TMEM132E: variants seen among roughly 807,000 people sequenced by gnomAD.
The protein encoded by TMEM132E is transmembrane protein 132E.
A neutral mutation model predicts 78.5 loss-of-function variants in TMEM132E; 49 were observed. The observed-to-expected ratio is 0.62, with a 90% CI of 0.50 to 0.79. The LOEUF (loss-of-function observed/expected upper bound fraction) is 0.79, where lower values mean the gene tolerates loss of function less well. TMEM132E is among the 30% of genes least tolerant of loss of function. The pLI, the probability that TMEM132E is intolerant of heterozygous loss-of-function variation, is 0.00. For synonymous variants in TMEM132E, 715 were observed against 670.6 expected (o/e 1.07, Z -1.02); for missense variants, 1,403 against 1,470.9 (o/e 0.95, Z 0.75).
intron 1 of TMEM132E, among the ~76,000 whole-genome samples, chr17:34,586,064 T>TTTTTTTTTTTTTTTTTTTTTGAGACGGAG (rs1905664108): frequency 6.6e-6 from 1 of 152,096 alleles, no homozygotes; most frequent in African/African-American, 2.4e-5. Flanking sequence ...AACTCTTTTG[T>TTTTTTTTTTTTTTTTTTTTTGAGACGGAG]TCTATGATGA....
Position 34,636,074 on chromosome 17 carries a change from G to A in TMEM132E, c.2045G>A (p.Ser682Asn), listed in dbSNP as rs1255298036. Residue 682 changes from serine (S) to asparagine (N), a missense_variant, in exon 8 of 9, where the codon AGC becomes AAC. Around this residue, in one of 3 missense-constraint regions of TMEM132E, gnomAD observed 888 missense variants for 952.8 expected, o/e 0.93. Transcript: ENST00000631683. The stretch of plus-strand genomic sequence containing the variant: ...CTGACGGTGACTGAGGAGAAGGTCA[G>A]CATCACACAGCTTCAGGCCCAGGTG... ...TLLTVTEEKV[S>N]ITQLQAQVVA... 3 of 1,592,510 alleles carry A rather than the reference G, an allele frequency of 1.9e-6. No homozygotes were observed. In the African/African-American group the frequency reaches 4.1e-5, roughly 22 times the overall value.
At chr17:34,605,000 C>T (rs1385258991) in intron 1 of TMEM132E, among the ~76,000 whole-genome samples, 1 of 152,192 alleles carries the variant, frequency 6.6e-6, no homozygotes, top group Non-Finnish European at 1.5e-5. Context: ...GAGCCCAAAA[C>T]TTAAGCTGGA....
intron 1 of TMEM132E, among the ~76,000 whole-genome samples, chr17:34,608,443 A>G (rs1198529842): frequency 2.0e-5 from 3 of 152,180 alleles, no homozygotes; most frequent in Non-Finnish European, 4.4e-5. Flanking sequence ...TCATGGGAGA[A>G]TGGAAGGTAG....
In TMEM132E at chr17:34,580,775, C is replaced by T. The variant is rs1015771329; in HGVS notation, c.-302C>T. 5.2e-5 allele frequency: 18 copies of T among 343,658 alleles called. No homozygotes were observed. Among genetic ancestry groups the T allele is most frequent in the Non-Finnish European group, 7.9e-5 (15 of 189,340 alleles). 21.3% of individuals were successfully genotyped at this position (343,658 alleles called of 1,614,324 possible). A position where few individuals can be genotyped will look rare whatever the true frequency, so the allele number is the denominator to read the frequency against. ...CCCCGGGACGCCCGCGGCCACCGGG[C>T]TCCGGACTGCACGTGCAGCTCCCCC... On this transcript the variant is annotated 5_prime_UTR_variant, in exon 1 of 9. Coordinates refer to ENST00000631683, the MANE Select transcript of TMEM132E (RefSeq NM_001304438.2).
intron 1 of TMEM132E, among the ~76,000 whole-genome samples, chr17:34,597,841 T>C (rs1159007671): frequency 6.6e-6 from 1 of 152,140 alleles, no homozygotes; most frequent in Non-Finnish European, 1.5e-5. Flanking sequence ...ATCTGCCATC[T>C]CCTGGTCACT....
rs75711088 is a variant in TMEM132E at position 34,583,358 on chromosome 17, C to A, written c.67+2215C>A. ...TCTCTTCTCCATCGCATGTCTCAGT[C>A]TCCCCTGCCTCAGAGAAGGGTGCCA... On this transcript the variant is annotated intron_variant, in intron 1 of 8. Coordinates refer to ENST00000631683, the MANE Select transcript of TMEM132E (RefSeq NM_001304438.2). Among the ~76,000 whole-genome samples the A allele has an allele frequency of 7.9e-5, 12 of 152,372 alleles. 1 individual carries two copies. The East Asian group carries it at 2.3e-3, about 29-fold the overall frequency.
intron 1 of TMEM132E, 49 bp from the exon 2 acceptor site, chr17:34,626,078 C>G: frequency 7.0e-7 from 1 of 1,424,248 alleles, no homozygotes; most frequent in South Asian, 1.5e-5. Flanking sequence ...GGGGTCCCAG[C>G]GTGGCCTCTC....
intron 1 of TMEM132E, among the ~76,000 whole-genome samples, chr17:34,623,167 A>T (rs1016688365): frequency 6.6e-6 from 1 of 152,088 alleles, no homozygotes; most frequent in African/African-American, 2.4e-5. Context: ...GTCCTCCCCC[A>T]GGGGGGGTGA....
In TMEM132E at chr17:34,626,250, C is replaced by T. The variant is rs539445182; in HGVS notation, c.191C>T (p.Pro64Leu). ...TTCTTCCTGCGGGAGGCGCGGCCCC[C>T]GTCACCCGCGGTCGCCAACAGCTCT... ...LAFFLREARP[P>L]SPAVANSSLQ... The change falls in exon 2 of 9, where the codon CCG (proline) becomes CTG (leucine). Residue 64 changes from proline (P) to leucine (L), a missense_variant. Pro to Leu is a moderately conservative substitution (Grantham distance 98). Transcript: ENST00000631683. The T allele has an allele frequency of 5.7e-5, 91 of 1,599,874 alleles. 1 individual carries two copies. In the East Asian group the frequency reaches 9.1e-4, roughly 16 times the overall value.
Position 34,638,340 on chromosome 17 carries a change from TG to T in TMEM132E, c.*109del. The stretch of plus-strand genomic sequence containing the variant: ...TGACTCTGGGCGGCTGAATTGATTT[TG>T]TACTCCCTGCCCCTGCAGCTTGGCT... On this transcript the variant is annotated 3_prime_UTR_variant, in exon 9 of 9. Transcript: ENST00000631683. The T allele has an allele frequency of 8.2e-7, 1 of 1,216,992 alleles. No individual in the cohort carries two copies. Among genetic ancestry groups the T allele is most frequent in the Non-Finnish European group, 1.1e-6 (1 of 895,258 alleles). 75.4% of individuals were successfully genotyped at this position (1,216,992 alleles called of 1,614,324 possible).
At chr17:34,619,903 C>A (rs879656327) in intron 1 of TMEM132E, among the ~76,000 whole-genome samples, 13 of 152,264 alleles carry the variant, frequency 8.5e-5, no homozygotes, top group East Asian at 1.9e-4. Context: ...GGTGAGCAGG[C>A]CAAGCTCCCT....
intron 1 of TMEM132E, among the ~76,000 whole-genome samples, chr17:34,596,684 G>GTGTGGGACAGAACCCTGCAGGTCC (rs1190194039): frequency 2.6e-5 from 4 of 151,922 alleles, no homozygotes; most frequent in African/African-American, 9.7e-5. Flanking sequence ...CAGCCCTGAT[G>GTGTGGGACAGAACCCTGCAGGTCC]TGTGGGACAG....
rs1003222082 is a variant in TMEM132E at position 34,626,380 on chromosome 17, C to T, written c.321C>T (p.Leu107=). 6.2e-7 allele frequency: 1 copy of T among 1,613,310 alleles called. No individual in the cohort carries two copies. The highest frequency in any genetic ancestry group is 8.5e-7 in the Non-Finnish European group (1 of 1,179,804). The change falls in exon 2 of 9, where the codon CTC becomes CTT. Residue 107 remains leucine (L), a synonymous_variant. Transcript: ENST00000631683. The stretch of plus-strand genomic sequence containing the variant: ...CCAGCCAGGTGGTGGCGCGGGAGCT[C>T]CTGCAGCCGTCCAGCACCCTGGACA... ...FSTSQVVARE[L]LQPSSTLDIP...
At chr17:34,593,542 C>T (rs1784786151) in intron 1 of TMEM132E, among the ~76,000 whole-genome samples, 1 of 152,188 alleles carries the variant, frequency 6.6e-6, no homozygotes, top group South Asian at 2.1e-4. Flanking sequence ...TGCTCTGGGA[C>T]TGATAAGCTG....
chr17:34,617,813 T>C (rs1906831840), intron 1 of TMEM132E, among the ~76,000 whole-genome samples: 1 of 152,254 alleles, frequency 6.6e-6, no homozygotes, highest in African/African-American at 2.4e-5. Context: ...CTTTCATTTA[T>C]TTTAAATGGC....
chr17:34,629,085 C>A lies in TMEM132E; in HGVS notation c.1219C>A (p.Arg407=), dbSNP rs371393529. 1.2e-6 allele frequency: 2 copies of A among 1,609,864 alleles called. No individual in the cohort carries two copies. Among genetic ancestry groups the A allele is most frequent in the Admixed American group, 1.7e-5 (1 of 59,644 alleles). Residue 407 remains arginine, a synonymous_variant, in exon 4 of 9, where the codon CGG becomes AGG. Transcript: ENST00000631683. ...MENFTSQSVK[R]RIMWHIDYRG... ...GAACTTCACCAGCCAGTCAGTCAAG[C>A]GGAGGATCATGTGGCACATTGACTA...
At position 34,626,696 on chromosome 17, in the gene TMEM132E, C is replaced by A. The variant is rs2142079693; in HGVS notation, c.637C>A (p.Arg213Ser). 1 of 1,388,504 alleles carries A rather than the reference C, an allele frequency of 7.2e-7. No individual in the cohort carries two copies. Among genetic ancestry groups the A allele is most frequent in the Non-Finnish European group, 9.4e-7 (1 of 1,061,904 alleles). 86.0% of individuals were successfully genotyped at this position (1,388,504 alleles called of 1,614,324 possible). A position where few individuals can be genotyped will look rare whatever the true frequency, so the allele number is the denominator to read the frequency against. Reference sequence around the variant, plus strand: ...CCCCGCTGCGCCACCCACGGCCCGCCGCAAGTCCCCGGACGGGCTGGAGCC... The same window carrying A: ...CCCCGCTGCGCCACCCACGGCCCGCAGCAAGTCCCCGGACGGGCTGGAGCC... ...PAPAAPPTARRKSPDGLEPEA... is the reference protein window; with the variant it reads ...PAPAAPPTARSKSPDGLEPEA... Residue 213 changes from arginine to serine, a missense_variant, in exon 2 of 9, where the codon CGC (arginine) becomes AGC (serine). Transcript: ENST00000631683.
chr17:34,583,724 C>A (rs955482366), intron 1 of TMEM132E, among the ~76,000 whole-genome samples: 1 of 152,200 alleles, frequency 6.6e-6, no homozygotes, highest in Non-Finnish European at 1.5e-5. Context: ...CTGGCGCCAC[C>A]GGGCAGGGTG....
At chr17:34,584,798 C>A (rs759376182) in intron 1 of TMEM132E, among the ~76,000 whole-genome samples, 1 of 152,228 alleles carries the variant, frequency 6.6e-6, no homozygotes, top group African/African-American at 2.4e-5. Flanking sequence ...TGGGCACATA[C>A]AAGACCCATG....
Sources: gnomAD v4.1 joint callset for allele counts (sites outside exome capture counted in the v4.1 genomes callset) on GRCh38, gnomAD v4.1.1 for gene constraint, gnomAD v4.1.1 regional missense constraint, MANE v1.5 for transcripts, NCBI Gene and HGNC (gene_info 2026-07-23, HGNC 2026-07-21) for gene names.